GAS7: variants seen among roughly 807,000 people sequenced by gnomAD.
GAS7 encodes the protein growth arrest specific 7, also known as growth arrest-specific protein 7.
A neutral mutation model predicts 71.1 loss-of-function variants in GAS7; 28 were observed. The ratio of observed to expected loss-of-function variants is 0.39; its 90% CI spans 0.29 to 0.54. The LOEUF (loss-of-function observed/expected upper bound fraction) is 0.54, where lower values mean the gene tolerates loss of function less well. Among genes scored for constraint, GAS7 ranks in the 20% least tolerant of loss-of-function variants. The probability of loss-of-function intolerance (pLI) is 0.62; values close to 1 mark genes in which losing one functional copy is unlikely to be tolerated. For synonymous variants in GAS7, 258 were observed against 245.8 expected, an observed-to-expected ratio of 1.05 and a Z score of -0.46; for missense variants, 436 against 627.8, an observed-to-expected ratio of 0.69 and a Z score of 3.27.
intron 2 of GAS7, among the ~76,000 whole-genome samples, chr17:10,018,676 G>C (rs1382064708): frequency 6.6e-6 from 1 of 152,180 alleles, no homozygotes; most frequent in Admixed American, 6.5e-5. Flanking sequence ...GAATAAACCA[G>C]CTGCCTTCTT....
chr17:9,998,598 T>C (rs1218709013), intron 2 of GAS7, among the ~76,000 whole-genome samples: 2 of 150,890 alleles, frequency 1.3e-5, no homozygotes, highest in Non-Finnish European at 2.9e-5. Flanking sequence ...GAGACCCCTG[T>C]CTCTATTTTA....
chr17:10,046,841 GAAGGAAAGA>G (rs1479859451), intron 1 of GAS7, among the ~76,000 whole-genome samples: 4 of 112,390 alleles, frequency 3.6e-5, no homozygotes, highest in Non-Finnish European at 5.3e-5. Context: ...AGGAAGGAAG[GAAGGAAAGA>G]AAAGAAAAGA....
intron 2 of GAS7, among the ~76,000 whole-genome samples, chr17:10,011,972 T>G (rs1394586645): frequency 7.7e-6 from 1 of 129,036 alleles, no homozygotes; most frequent in South Asian, 2.4e-4. Flanking sequence ...TGAAACTCCA[T>G]CTCAAAAAAA....
intron 2 of GAS7, among the ~76,000 whole-genome samples, chr17:9,985,950 T>C (rs1433542301): frequency 1.3e-5 from 2 of 152,218 alleles, no homozygotes; most frequent in Non-Finnish European, 2.9e-5. Context: ...TCAAGTCTTC[T>C]TGAGAACCTG....
chr17:9,926,784 G>C lies in GAS7; in HGVS notation c.886-15C>G. 6.2e-7 allele frequency: 1 copy of C among 1,614,020 alleles called. No individual in the cohort carries two copies. The highest frequency in any genetic ancestry group is 8.5e-7 in the Non-Finnish European group (1 of 1,179,928). On this transcript the variant is annotated splice_polypyrimidine_tract_variant and intron_variant, in intron 9 of 13. Transcript: ENST00000432992. The surrounding 1 kb of genome is among the most constrained non-coding windows in gnomAD (Gnocchi z 5.0). Reference sequence around the variant, plus strand: ...TCGCTGTGAAGCTGTTGGGAGAGTAGAGACGCACACTCAGGACCCAGGGCA... The same window carrying C: ...TCGCTGTGAAGCTGTTGGGAGAGTACAGACGCACACTCAGGACCCAGGGCA...
intron 1 of GAS7, among the ~76,000 whole-genome samples, chr17:10,163,134 T>C (rs1164992287): frequency 1.3e-5 from 2 of 152,146 alleles, no homozygotes; most frequent in African/African-American, 4.8e-5. Context: ...TTGTAGAGAC[T>C]GGGTCTTACT....
intron 1 of GAS7, among the ~76,000 whole-genome samples, chr17:10,151,423 CTG>C (rs2074165784): frequency 6.6e-6 from 1 of 151,994 alleles, no homozygotes; most frequent in African/African-American, 2.4e-5. Context: ...TCTAACAAAA[CTG>C]TCACATGTTC....
intron 1 of GAS7, among the ~76,000 whole-genome samples, chr17:10,100,580 G>A (rs2152260866): frequency 6.7e-6 from 1 of 148,738 alleles, no homozygotes; most frequent in East Asian, 1.9e-4. Flanking sequence ...TCCTCCCTCA[G>A]GTATCAGCTG....
intron 1 of GAS7, among the ~76,000 whole-genome samples, chr17:10,044,829 C>T (rs561743878): frequency 1.2e-4 from 18 of 151,584 alleles, no homozygotes; most frequent in African/African-American, 3.6e-4. Context: ...CCGAGGCGGG[C>T]GGATCATGAG....
chr17:10,162,987 G>T (rs2142121008), intron 1 of GAS7, among the ~76,000 whole-genome samples: 1 of 151,880 alleles, frequency 6.6e-6, no homozygotes, highest in South Asian at 2.1e-4. Flanking sequence ...TGGTTAAGAT[G>T]GTAAATTTTG....
At chr17:10,081,258 G>A (rs1253239722) in intron 1 of GAS7, among the ~76,000 whole-genome samples, 1 of 152,074 alleles carries the variant, frequency 6.6e-6, no homozygotes, top group African/African-American at 2.4e-5. Context: ...AGGTTCAAGC[G>A]ATTCTCCTGC....
chr17:10,108,064 T>TC, intron 1 of GAS7, among the ~76,000 whole-genome samples: 1 of 151,322 alleles, frequency 6.6e-6, no homozygotes, highest in East Asian at 2.0e-4. Context: ...CTTACCATAG[T>TC]CCAGAGGGGG....
At position 10,034,138 on chromosome 17, in the gene GAS7, C is replaced by T; in HGVS notation, c.184-14241G>A. ...CTGCTCTGTGCCACCGTGCGAAGAA[C>T]ACAGGATGGGAATCGGAGCTGGTAA... is the stretch of plus-strand genomic sequence containing the variant. On this transcript the variant is annotated intron_variant, in intron 1 of 13. Coordinates refer to ENST00000432992, the MANE Select transcript of GAS7 (RefSeq NM_201433.2). The surrounding 1 kb of genome is among the most constrained non-coding windows in gnomAD (Gnocchi z 4.4). 2.0e-6 allele frequency: 2 copies of T among 985,290 alleles called. No individual in the cohort carries two copies. Among genetic ancestry groups the T allele is most frequent in the Non-Finnish European group, 2.4e-6 (2 of 829,826 alleles). The allele number at this position is 985,290 out of a possible 1,614,324, so 61.0% of individuals were successfully genotyped here.
chr17:10,159,718 G>A (rs972654471), intron 1 of GAS7, among the ~76,000 whole-genome samples: 12 of 151,794 alleles, frequency 7.9e-5, no homozygotes, highest in Non-Finnish European at 1.5e-5. Flanking sequence ...CGTGTCTGAC[G>A]TAGATGCTCA....
intron 1 of GAS7, among the ~76,000 whole-genome samples, chr17:10,146,826 T>C (rs1597819037): frequency 6.6e-6 from 1 of 151,952 alleles, no homozygotes; most frequent in East Asian, 1.9e-4. Flanking sequence ...CTACTAAAAA[T>C]ACAAAAAATT....
chr17:10,145,556 C>T (rs530210672), intron 1 of GAS7, among the ~76,000 whole-genome samples: 3 of 152,192 alleles, frequency 2.0e-5, no homozygotes, highest in Non-Finnish European at 4.4e-5. Flanking sequence ...AGCACTCAGG[C>T]CCCCCAGGAC....
chr17:10,073,020 T>C (rs939885933), intron 1 of GAS7, among the ~76,000 whole-genome samples: 1 of 151,638 alleles, frequency 6.6e-6, no homozygotes, highest in African/African-American at 2.4e-5. Context: ...ACGATGGAAA[T>C]AGAAAAGGTG....
chr17:10,164,800 C>T (rs1032382007), intron 1 of GAS7, among the ~76,000 whole-genome samples: 4 of 144,950 alleles, frequency 2.8e-5, no homozygotes, highest in Non-Finnish European at 6.0e-5. Context: ...CAAGACAAGA[C>T]TGGGCAACAT....
intron 1 of GAS7, among the ~76,000 whole-genome samples, chr17:10,162,009 G>A (rs567631104): frequency 6.8e-6 from 1 of 147,956 alleles, no homozygotes; most frequent in East Asian, 2.0e-4. Flanking sequence ...GGAGCCTGCA[G>A]TGAGCCGAGA....
Sources: allele counts gnomAD v4.1 joint callset (sites outside exome capture counted in the v4.1 genomes callset), GRCh38; gene constraint gnomAD v4.1.1; non-coding constraint Gnocchi (gnomAD v3.1); transcripts MANE v1.5; gene names NCBI Gene and HGNC (gene_info 2026-07-23, HGNC 2026-07-21).